RPS6KC1: variants seen among roughly 807,000 people sequenced by gnomAD.
RPS6KC1 encodes inactive ribosomal protein S6 kinase delta-1.
RPS6KC1 carries 54 observed loss-of-function variants against 103.8 expected under a neutral mutation model. That is an observed-to-expected ratio of 0.52 (90% CI 0.42 to 0.65). The LOEUF (loss-of-function observed/expected upper bound fraction) is 0.65, where lower values mean the gene tolerates loss of function less well. Ranked by LOEUF, RPS6KC1 falls within the 30% of genes least tolerant of loss-of-function variation. The probability of loss-of-function intolerance (pLI) is 0.00; values close to 1 mark genes in which losing one functional copy is unlikely to be tolerated. For synonymous variants in RPS6KC1, 439 were observed against 438.7 expected, an observed-to-expected ratio of 1.00 and a Z score of -0.01; for missense variants, 1,151 against 1,253.8, an observed-to-expected ratio of 0.92 and a Z score of 1.24.
the RPS6KC1 span, among the ~76,000 whole-genome samples, chr1:213,409,075 G>A: frequency 2.6e-5 from 4 of 152,092 alleles, no homozygotes; most frequent in South Asian, 2.1e-4. Flanking sequence ...AAGCGGAGGA[G>A]TGATGATGTA....
the RPS6KC1 span, among the ~76,000 whole-genome samples, chr1:213,433,237 A>T: frequency 1.3e-5 from 2 of 152,162 alleles, no homozygotes. Flanking sequence ...ATATGATCAC[A>T]TCTCTCTCTG....
the RPS6KC1 span, among the ~76,000 whole-genome samples, chr1:213,401,078 G>A: frequency 6.6e-6 from 1 of 152,286 alleles, no homozygotes; most frequent in East Asian, 1.9e-4. Context: ...GGAGTGGGCT[G>A]AGGGTTGGGT....
At chr1:213,688,391 C>A in the RPS6KC1 span, among the ~76,000 whole-genome samples, 1 of 152,146 alleles carries the variant, frequency 6.6e-6, no homozygotes, top group Admixed American at 6.6e-5. Context: ...TCAGTCTCCA[C>A]CCTCCTTGAA....
At chr1:213,088,204 A>G (rs2080605189) in intron 3 of RPS6KC1, among the ~76,000 whole-genome samples, 1 of 152,018 alleles carries the variant, frequency 6.6e-6, no homozygotes, top group Non-Finnish European at 1.5e-5. Context: ...TTTCCATCCA[A>G]TGGCTGCAAC....
At chr1:213,265,555 A>G (rs563158853) in intron 14 of RPS6KC1, among the ~76,000 whole-genome samples, 2 of 151,570 alleles carry the variant, frequency 1.3e-5, no homozygotes, top group Non-Finnish European at 3.0e-5. Context: ...CAGTAGACAT[A>G]AATTGTCTGA....
chr1:213,168,782 C>T (rs1316225635), intron 7 of RPS6KC1, among the ~76,000 whole-genome samples: 5 of 152,108 alleles, frequency 3.3e-5, no homozygotes, highest in East Asian at 1.9e-4. Flanking sequence ...ACCACATGCC[C>T]GGCTAACTTT....
chr1:213,311,669 T>A, the RPS6KC1 span, among the ~76,000 whole-genome samples: 1 of 152,112 alleles, frequency 6.6e-6, no homozygotes, highest in Non-Finnish European at 1.5e-5. Flanking sequence ...AATGGAGAGC[T>A]GTGCAGAAAA....
the RPS6KC1 span, among the ~76,000 whole-genome samples, chr1:213,669,829 ATTC>A: frequency 6.6e-6 from 1 of 152,148 alleles, no homozygotes; most frequent in Admixed American, 6.5e-5. Flanking sequence ...CCAGAATTCA[ATTC>A]TTCTAACTCC....
chr1:213,366,385 T>C, the RPS6KC1 span, among the ~76,000 whole-genome samples: 3 of 152,202 alleles, frequency 2.0e-5, no homozygotes, highest in Admixed American at 6.5e-5. Flanking sequence ...GCTTGATAAG[T>C]TGAGTATTCC....
At chr1:213,453,898 A>G in the RPS6KC1 span, among the ~76,000 whole-genome samples, 1 of 152,250 alleles carries the variant, frequency 6.6e-6, no homozygotes, top group Non-Finnish European at 1.5e-5. Context: ...CAAAAAATAC[A>G]TTGGAAAATT....
chr1:213,470,588 C>A, the RPS6KC1 span, among the ~76,000 whole-genome samples: 447 of 146,514 alleles, frequency 3.1e-3, no homozygotes, highest in African/African-American at 0.011. Flanking sequence ...TTCCAGTCAG[C>A]TAGAATATTT....
At chr1:213,424,282 T>G in the RPS6KC1 span, among the ~76,000 whole-genome samples, 1 of 152,244 alleles carries the variant, frequency 6.6e-6, no homozygotes, top group Non-Finnish European at 1.5e-5. Context: ...TTTTGTGTTT[T>G]CTTTTCTTGT....
chr1:213,317,846 C>T, the RPS6KC1 span, among the ~76,000 whole-genome samples: 1 of 152,176 alleles, frequency 6.6e-6, no homozygotes, highest in Non-Finnish European at 1.5e-5. Context: ...GGAACATATC[C>T]CATGGGTCTC....
chr1:213,434,261 G>A, the RPS6KC1 span, among the ~76,000 whole-genome samples: 2 of 152,032 alleles, frequency 1.3e-5, no homozygotes, highest in African/African-American at 4.8e-5. Context: ...GATGAATTGT[G>A]TCAGCTTTTG....
chr1:213,602,154 CTT>C, the RPS6KC1 span, among the ~76,000 whole-genome samples: 10 of 83,664 alleles, frequency 1.2e-4, no homozygotes, highest in Non-Finnish European at 1.6e-4. Context: ...TTCTTTCTTT[CTT>C]TCTTTCTTTC....
the RPS6KC1 span, among the ~76,000 whole-genome samples, chr1:213,646,895 A>T: frequency 6.7e-6 from 1 of 148,820 alleles, no homozygotes; most frequent in East Asian, 2.0e-4. Flanking sequence ...ATATATATAT[A>T]TATTTTTGTT....
chr1:213,539,147 T>C, the RPS6KC1 span, among the ~76,000 whole-genome samples: 1 of 152,228 alleles, frequency 6.6e-6, no homozygotes, highest in Non-Finnish European at 1.5e-5. Context: ...GCTCCTTCCT[T>C]GGGAAAACTG....
At chr1:213,654,139 G>A in the RPS6KC1 span, among the ~76,000 whole-genome samples, 4 of 152,346 alleles carry the variant, frequency 2.6e-5, no homozygotes, top group East Asian at 5.8e-4. Context: ...CCAGGGTTAA[G>A]CTTCTGACAG....
chr1:213,202,591 C>T (rs779205583), intron 8 of RPS6KC1, among the ~76,000 whole-genome samples: 83 of 151,900 alleles, frequency 5.5e-4, no homozygotes, highest in Non-Finnish European at 1.1e-3. Flanking sequence ...CAAACCTGGG[C>T]GATAGAGTGA....
Sources: gnomAD v4.1 joint callset for allele counts (sites outside exome capture counted in the v4.1 genomes callset) on GRCh38, gnomAD v4.1.1 for gene constraint, MANE v1.5 for transcripts, NCBI Gene and HGNC (gene_info 2026-07-23, HGNC 2026-07-21) for gene names.